Variants in ABHD2 observed in about 807,000 individuals in gnomAD.
ABHD2 encodes the protein monoacylglycerol lipase ABHD2.
In ABHD2, 20 loss-of-function variants were observed where a neutral mutation model predicts 48.1. The ratio of observed to expected loss-of-function variants is 0.42; its 90% confidence interval spans 0.29 to 0.60. The LOEUF (loss-of-function observed/expected upper bound fraction) is 0.60. ABHD2 is among the 20% of genes least tolerant of loss of function. The probability of loss-of-function intolerance (pLI) is 0.24; values close to 1 mark genes in which losing one functional copy is unlikely to be tolerated. For missense variants in ABHD2, 405 were observed against 550.9 expected (o/e 0.74, Z 2.65); for synonymous variants, 209 against 214.2 (o/e 0.98, Z 0.21).
intron 3 of ABHD2, among the ~76,000 whole-genome samples, chr15:89,129,301 G>A (rs1285950520): frequency 2.6e-5 from 4 of 152,078 alleles, no homozygotes; most frequent in East Asian, 3.9e-4. Context: ...AAGGTAGGGA[G>A]AGAACCAGCA....
chr15:89,048,518 G>A, the ABHD2 span, among the ~76,000 whole-genome samples: 5 of 152,202 alleles, frequency 3.3e-5, no homozygotes, highest in South Asian at 2.1e-4. Flanking sequence ...CATTCTCCCC[G>A]TCACTTTCAG....
At chr15:89,103,464 C>A (rs1037367478) in intron 1 of ABHD2, among the ~76,000 whole-genome samples, 1 of 152,090 alleles carries the variant, frequency 6.6e-6, no homozygotes, top group Non-Finnish European at 1.5e-5. Context: ...AGATAATTCA[C>A]CCAAGGTCAC....
At chr15:89,165,536 T>A (rs2050825264) in intron 5 of ABHD2, among the ~76,000 whole-genome samples, 1 of 151,966 alleles carries the variant, frequency 6.6e-6, no homozygotes, top group Admixed American at 6.6e-5. Flanking sequence ...GAGGATAGCT[T>A]GAGGGTAGGA....
At chr15:89,161,443 G>C (rs917718033) in intron 5 of ABHD2, among the ~76,000 whole-genome samples, 2 of 151,808 alleles carry the variant, frequency 1.3e-5, no homozygotes, top group Non-Finnish European at 2.9e-5. Flanking sequence ...CTCTGTTGCC[G>C]AGGCTGGAGT....
In ABHD2 at chr15:89,189,595, A is replaced by G. The variant is rs1018278449; in HGVS notation, c.926+1292A>G. Among the ~76,000 whole-genome samples, 1 of 152,246 alleles carries G rather than the reference A, an allele frequency of 6.6e-6. No homozygotes were observed. Among genetic ancestry groups the G allele is most frequent in the Non-Finnish European group, 1.5e-5 (1 of 68,034 alleles). ...GATAGGCAGATATTGACCTAAGGGT[A>G]TAGGATCTCTGCTTTGCTTCCTTAT... On this transcript the variant is annotated intron_variant, in intron 8 of 10. Transcript: ENST00000352732. This position sits in a 1 kb window ranked among gnomAD's most constrained non-coding sequence, Gnocchi z 4.9.
chr15:89,043,797 T>G, the ABHD2 span, among the ~76,000 whole-genome samples: 4 of 151,956 alleles, frequency 2.6e-5, no homozygotes, highest in Non-Finnish European at 5.9e-5. Flanking sequence ...TTGAAGGCAA[T>G]CTACAAGGTA....
In ABHD2 at chr15:89,101,322, A is replaced by G. The variant is rs115160838; in HGVS notation, c.-106-12403A>G. 7.2e-3 allele frequency among the ~76,000 whole-genome samples: 1,100 copies of G among 152,290 alleles called. 16 individuals are homozygous for G. The highest frequency in any genetic ancestry group is 0.025 in the African/African-American group (1,049 of 41,550). On this transcript the variant is annotated intron_variant, in intron 1 of 10. Transcript: ENST00000352732. The stretch of plus-strand genomic sequence containing the variant: ...GAAAACTCTCATTTTTGGATGGATA[A>G]TTATTTGCTTGAACTTTGAGATGTT...
At chr15:89,117,290 T>C (rs901689472) in intron 3 of ABHD2, among the ~76,000 whole-genome samples, 1 of 152,186 alleles carries the variant, frequency 6.6e-6, no homozygotes, top group African/African-American at 2.4e-5. Flanking sequence ...CCTCCCAAAG[T>C]GCTGGGATTA....
Position 89,167,265 on chromosome 15 carries a change from A to T in ABHD2, c.539-8547A>T, listed in dbSNP as rs1053192231. ...TTCATTGGTGTAGACTCAATTTTGAATTGTATTCATAGTTATGAATTGTGT... is the reference window on the plus strand; with the variant it reads ...TTCATTGGTGTAGACTCAATTTTGATTTGTATTCATAGTTATGAATTGTGT... On this transcript the variant is annotated intron_variant, in intron 5 of 10. Transcript: ENST00000352732. This position sits in a 1 kb window ranked among gnomAD's most constrained non-coding sequence, Gnocchi z 5.5. 3.3e-5 allele frequency among the ~76,000 whole-genome samples: 5 copies of T among 152,220 alleles called. No individual in the cohort carries two copies. Among genetic ancestry groups the T allele is most frequent in the African/African-American group, 1.2e-4 (5 of 41,526 alleles).
Position 89,137,175 on chromosome 15 carries a change from C to A in ABHD2, c.195-14502C>A, listed in dbSNP as rs1414741898. 1.3e-5 allele frequency among the ~76,000 whole-genome samples: 2 copies of A among 152,120 alleles called. No individual in the cohort carries two copies. Among genetic ancestry groups the A allele is most frequent in the African/African-American group, 4.8e-5 (2 of 41,434 alleles). On this transcript the variant is annotated intron_variant, in intron 3 of 10. Coordinates refer to ENST00000352732, the MANE Select transcript of ABHD2 (RefSeq NM_152924.5). This position sits in a 1 kb window ranked among gnomAD's most constrained non-coding sequence, Gnocchi z 4.8. ...AACTCTGGAGCTTCTTAATAAACTGCCTCCCTACTTAAAGCATGGTGTCAA... is the reference window on the plus strand; with the variant it reads ...AACTCTGGAGCTTCTTAATAAACTGACTCCCTACTTAAAGCATGGTGTCAA...
chr15:89,192,945 A>T (rs1382065730), intron 9 of ABHD2, among the ~76,000 whole-genome samples: 1 of 152,266 alleles, frequency 6.6e-6, no homozygotes, highest in Non-Finnish European at 1.5e-5. Context: ...TACATAATTC[A>T]TTGCAAAGTC....
intron 3 of ABHD2, among the ~76,000 whole-genome samples, chr15:89,128,540 G>C (rs1295862174): frequency 6.6e-6 from 1 of 152,236 alleles, no homozygotes; most frequent in Non-Finnish European, 1.5e-5. Context: ...TCTTCATTTG[G>C]CTAGACTTTG....
At chr15:89,156,583 C>T (rs1372689185) in intron 5 of ABHD2, among the ~76,000 whole-genome samples, 2 of 151,946 alleles carry the variant, frequency 1.3e-5, no homozygotes, top group Non-Finnish European at 2.9e-5. Context: ...CCTGTCTCTA[C>T]TAAAAATACA....
chr15:89,084,209 TA>T (rs3049684), upstream of ABHD2, among the ~76,000 whole-genome samples: 83,523 of 138,694 alleles, frequency 0.6, 25,056 homozygotes, highest in South Asian at 0.69. This position sits in a 1 kb window ranked among gnomAD's most constrained non-coding sequence, Gnocchi z 4.4. Flanking sequence ...TTTGCTAGTG[TA>T]AAAAAAAAAA....
chr15:89,063,976 G>C, the ABHD2 span, among the ~76,000 whole-genome samples: 1 of 151,942 alleles, frequency 6.6e-6, no homozygotes, highest in Non-Finnish European at 1.5e-5. Context: ...ATGGCCCAGG[G>C]GTTGAGGACC....
chr15:89,069,526 T>C, the ABHD2 span, among the ~76,000 whole-genome samples: 1 of 152,026 alleles, frequency 6.6e-6, no homozygotes, highest in Admixed American at 6.6e-5. Context: ...CCCTTGTGAG[T>C]TTTGTGTTAC....
chr15:89,135,920 C>A, intron 3 of ABHD2: 2 of 550,752 alleles, frequency 3.6e-6, no homozygotes, highest in Non-Finnish European at 3.3e-6. Flanking sequence ...CACTGGGATC[C>A]TTTAACTTTT....
intron 5 of ABHD2, among the ~76,000 whole-genome samples, chr15:89,165,658 G>A (rs1372871947): frequency 6.6e-6 from 1 of 152,118 alleles, no homozygotes; most frequent in Non-Finnish European, 1.5e-5. Context: ...CTGTCATGTG[G>A]GTGAGGTCAA....
the ABHD2 span, among the ~76,000 whole-genome samples, chr15:89,056,045 G>C: frequency 6.6e-6 from 1 of 151,858 alleles, no homozygotes; most frequent in South Asian, 2.1e-4. Flanking sequence ...TAGAGACAGA[G>C]TCTGCCTATG....
Sources: gnomAD v4.1 joint callset for allele counts (sites outside exome capture counted in the v4.1 genomes callset) on GRCh38, gnomAD v4.1.1 for gene constraint, Gnocchi (gnomAD v3.1) non-coding constraint, MANE v1.5 for transcripts, NCBI Gene and HGNC (gene_info 2026-07-23, HGNC 2026-07-21) for gene names.